PRDM16: variants seen among roughly 807,000 people sequenced by gnomAD.
PRDM16 encodes the protein PR/SET domain 16, also known as histone-lysine N-methyltransferase PRDM16.
Under a neutral mutation model 110.6 loss-of-function variants are expected in PRDM16, and 23 were observed. That is an observed-to-expected ratio of 0.21 (90% confidence interval 0.15 to 0.29). PRDM16 has a LOEUF of 0.29. Among genes scored for constraint, PRDM16 ranks in the 10% least tolerant of loss-of-function variants. PRDM16 has a pLI of 1.00. For synonymous variants in PRDM16, 799 were observed against 781.8 expected (o/e 1.02, Z -0.37); for missense variants, 1,615 against 1,794.3 (o/e 0.90, Z 1.81).
At chr1:3,181,692 G>GTGCA (rs1174536458) in intron 1 of PRDM16, among the ~76,000 whole-genome samples, 21 of 91,146 alleles carry the variant, frequency 2.3e-4, no homozygotes, top group East Asian at 1.3e-3. Flanking sequence ...TCTTACACAC[G>GTGCA]GTCTTACACA....
rs991878234 is a variant in PRDM16 at position 3,434,117 on chromosome 1, G to A, written c.*306G>A. ...AGAATCAGCCAGTGGGCAGGTGGAC[G>A]CTCTGCTGAGACAGAAGCTGGTGGC... On this transcript the variant is annotated 3_prime_UTR_variant, in exon 17 of 17. Transcript: ENST00000270722. The A allele has an allele frequency of 4.4e-5, 16 of 366,108 alleles. No homozygotes were observed. The highest frequency in any genetic ancestry group is 1.4e-4 in the African/African-American group (7 of 48,904). 22.7% of individuals were successfully genotyped at this position (366,108 alleles called of 1,614,324 possible).
chr1:3,211,012 G>C (rs1455407624), intron 2 of PRDM16, among the ~76,000 whole-genome samples: 1 of 152,196 alleles, frequency 6.6e-6, no homozygotes, highest in Admixed American at 6.5e-5. Context: ...CATTAGGCAT[G>C]TATTTGTTCA....
intron 3 of PRDM16, among the ~76,000 whole-genome samples, chr1:3,324,304 C>A (rs1426185477): frequency 6.6e-6 from 1 of 152,158 alleles, no homozygotes; most frequent in Non-Finnish European, 1.5e-5. Flanking sequence ...GGCTCACTCT[C>A]CTCCTCTCTG....
chr1:3,079,237 G>A (rs1439574838), intron 1 of PRDM16, among the ~76,000 whole-genome samples: 2 of 152,266 alleles, frequency 1.3e-5, no homozygotes, highest in Non-Finnish European at 2.9e-5. Flanking sequence ...TCTCGGCTAT[G>A]TCAGCATCTC....
chr1:3,293,761 C>T (rs1419965823), intron 3 of PRDM16, among the ~76,000 whole-genome samples: 3 of 152,120 alleles, frequency 2.0e-5, no homozygotes, highest in South Asian at 2.1e-4. Flanking sequence ...GCTCAGTGGT[C>T]GCCAGGGGTC....
rs951543729 is a variant in PRDM16, at chr1:3,358,303, A to G, written c.439-26849A>G. Among the ~76,000 whole-genome samples the G allele has an allele frequency of 2.0e-5, 3 of 152,182 alleles. No homozygotes were observed. The highest frequency in any genetic ancestry group is 7.2e-5 in the African/African-American group (3 of 41,450). On this transcript the variant is annotated intron_variant, in intron 3 of 16. Coordinates refer to ENST00000270722, the MANE Select transcript of PRDM16 (RefSeq NM_022114.4). The surrounding 1 kb of genome is among the most constrained non-coding windows in gnomAD (Gnocchi z 4.0). ...GCCTGCTGGGGAACCGTAGTTACGC[A>G]GGTCCTGAACTGGGTCTTCTCTGGA...
Position 3,438,030 on chromosome 1 carries a change from T to G in PRDM16, c.*4219T>G, listed in dbSNP as rs1024552368. The G allele has an allele frequency of 2.8e-4, 60 of 216,186 alleles. 1 individual carries two copies. The East Asian group carries it at 3.8e-3, about 14-fold the overall frequency. 13.4% of individuals were successfully genotyped at this position (216,186 alleles called of 1,614,324 possible). A position where few individuals can be genotyped will look rare whatever the true frequency, so the allele number is the denominator to read the frequency against. On this transcript the variant is annotated 3_prime_UTR_variant, in exon 17 of 17. Coordinates refer to ENST00000270722, the MANE Select transcript of PRDM16 (RefSeq NM_022114.4). ...GTTACATTACAGATTTGGTTTAGTT[T>G]TGTTTTGTTTTGTTTTTTCTTTTAG...
chr1:3,367,193 C>T (rs139011003), intron 3 of PRDM16, among the ~76,000 whole-genome samples: 6 of 151,994 alleles, frequency 3.9e-5, no homozygotes, highest in African/African-American at 9.6e-5. Context: ...CTCTTGAACC[C>T]GGGAAGCAAA....
At chr1:3,314,567 TTCTC>T (rs143276828) in intron 3 of PRDM16, among the ~76,000 whole-genome samples, 1 of 151,550 alleles carries the variant, frequency 6.6e-6, no homozygotes, top group Non-Finnish European at 1.5e-5. Flanking sequence ...TGTGTGAGCG[TTCTC>T]TCTCTCTCTC....
intron 10 of PRDM16, among the ~76,000 whole-genome samples, chr1:3,416,348 G>A (rs530249500): frequency 5.9e-5 from 9 of 152,316 alleles, no homozygotes; most frequent in Admixed American, 1.3e-4. Flanking sequence ...CCCCAGCCGC[G>A]TGATGGGATA....
intron 3 of PRDM16, among the ~76,000 whole-genome samples, chr1:3,335,936 G>A (rs1382464586): frequency 6.6e-6 from 1 of 152,216 alleles, no homozygotes; most frequent in African/African-American, 2.4e-5. Context: ...GCTCTCTCTG[G>A]TCCTCAGAAC....
intron 3 of PRDM16, among the ~76,000 whole-genome samples, chr1:3,348,901 C>T (rs917263146): frequency 5.3e-5 from 8 of 152,130 alleles, no homozygotes; most frequent in South Asian, 2.1e-4. Context: ...TCCTAGAGTC[C>T]GTGGTGGGGA....
chr1:3,283,592 C>T (rs1298117052), intron 3 of PRDM16, among the ~76,000 whole-genome samples: 1 of 151,902 alleles, frequency 6.6e-6, no homozygotes, highest in Non-Finnish European at 1.5e-5. Context: ...ACCTCAAGGT[C>T]AGAGGAAGAG....
intron 2 of PRDM16, among the ~76,000 whole-genome samples, chr1:3,214,636 G>T (rs1442240980): frequency 6.6e-6 from 1 of 152,138 alleles, no homozygotes; most frequent in Non-Finnish European, 1.5e-5. Flanking sequence ...GGCAGAGGTT[G>T]CAGTGAGCCG....
chr1:3,178,499 C>A (rs1382296002), intron 1 of PRDM16, among the ~76,000 whole-genome samples: 1 of 152,226 alleles, frequency 6.6e-6, no homozygotes. Context: ...GCCGGGGCTC[C>A]TGGAGGCTGC....
At chr1:3,150,150 C>T (rs574357671) in intron 1 of PRDM16, among the ~76,000 whole-genome samples, 60 of 152,346 alleles carry the variant, frequency 3.9e-4, no homozygotes, top group South Asian at 3.5e-3. Flanking sequence ...TTACAAGCCT[C>T]GCACTGCGTA....
intron 3 of PRDM16, among the ~76,000 whole-genome samples, chr1:3,362,513 C>T (rs934822280): frequency 5.3e-5 from 8 of 151,438 alleles, no homozygotes; most frequent in Non-Finnish European, 1.0e-4. Flanking sequence ...GGGTGGGGCT[C>T]GGGTGTCATC....
Position 3,114,218 on chromosome 1 carries a change from AAC to A in PRDM16, c.37+44929_37+44930del, listed in dbSNP as rs143413205. 3.4e-4 allele frequency among the ~76,000 whole-genome samples: 28 copies of A among 81,590 alleles called. No homozygotes were observed. The South Asian group carries it at 4.0e-3, about 12-fold the overall frequency. 53.5% of individuals were successfully genotyped at this position (81,590 alleles called of 152,430 possible). On this transcript the variant is annotated intron_variant, in intron 1 of 16. Coordinates refer to ENST00000270722, the MANE Select transcript of PRDM16 (RefSeq NM_022114.4). ...GCACACGCACGCACACACGCACACG[AAC>A]ACACACGCACACACGCAGTGTAAAC...
rs751710040 is a variant in PRDM16, at chr1:3,302,972, G to GTATAA, written c.438+58837_438+58841dup. 3.3e-5 allele frequency among the ~76,000 whole-genome samples: 5 copies of GTATAA among 152,002 alleles called. No homozygotes were observed. In the South Asian group the frequency reaches 8.3e-4, roughly 25 times the overall value. On this transcript the variant is annotated intron_variant, in intron 3 of 16. Coordinates refer to ENST00000270722, the MANE Select transcript of PRDM16 (RefSeq NM_022114.4). The stretch of plus-strand genomic sequence containing the variant: ...GCAAATTCAGGAATATAAAATCTGG[G>GTATAA]TATAATGAGGCTCAACTGTATAAAT...
Sources: allele counts gnomAD v4.1 joint callset (sites outside exome capture counted in the v4.1 genomes callset), GRCh38; gene constraint gnomAD v4.1.1; non-coding constraint Gnocchi (gnomAD v3.1); transcripts MANE v1.5; gene names NCBI Gene and HGNC (gene_info 2026-07-23, HGNC 2026-07-21).